ZC3H13: variants seen among roughly 807,000 people sequenced by gnomAD.
The protein encoded by ZC3H13 is zinc finger CCCH domain-containing protein 13.
Under a neutral mutation model 204.1 loss-of-function variants are expected in ZC3H13, and 64 were observed. The observed-to-expected ratio is 0.31, with a 90% CI of 0.26 to 0.39. The LOEUF is 0.39. ZC3H13 is among the 10% of genes least tolerant of loss of function. The pLI is 1.00. For missense variants in ZC3H13, 1,833 were observed against 2,082.7 expected, an observed-to-expected ratio of 0.88 and a Z score of 2.33; for synonymous variants, 667 against 693.7, an observed-to-expected ratio of 0.96 and a Z score of 0.60.
At chr13:46,018,258 T>C (rs746377908) in intron 5 of ZC3H13, among the ~76,000 whole-genome samples, 2 of 152,170 alleles carry the variant, frequency 1.3e-5, no homozygotes, top group Non-Finnish European at 2.9e-5. Context: ...TTAGTGACTT[T>C]GAAAAGCAGT....
At chr13:46,004,235 G>T (rs1380291738) in intron 7 of ZC3H13, among the ~76,000 whole-genome samples, 1 of 152,006 alleles carries the variant, frequency 6.6e-6, no homozygotes, top group Non-Finnish European at 1.5e-5. Context: ...CATAGTGTGA[G>T]CATCTTTCTG....
At chr13:46,052,002 A>AAAAAAAC (rs892525263) in intron 1 of ZC3H13, 2 of 151,596 alleles carry the variant, frequency 1.3e-5, no homozygotes, top group African/African-American at 4.9e-5. Context: ...GAGGGAAAAA[A>AAAAAAAC]AAAAAAACAA....
intron 5 of ZC3H13, among the ~76,000 whole-genome samples, chr13:46,012,575 T>C (rs751214606): frequency 1.1e-4 from 16 of 152,222 alleles, no homozygotes; most frequent in Middle Eastern, 3.2e-3. Context: ...TATCCATTCA[T>C]GCTTGGGGAC....
At position 46,020,559 on chromosome 13, in the gene ZC3H13, T is replaced by TA; in HGVS notation, c.340-3dup. 1.3e-6 allele frequency: 2 copies of TA among 1,587,900 alleles called. No homozygotes were observed. The highest frequency in any genetic ancestry group is 1.8e-5 in the Admixed American group (1 of 57,032). On this transcript the variant is annotated splice_polypyrimidine_tract_variant and splice_region_variant and intron_variant, in intron 4 of 18. Transcript: ENST00000679008. Reference sequence around the variant, plus strand: ...ATGTCTCCCTCTTGAAGATTCTTTCTAAAAAAGTACATACATACATTCAGA... The same window carrying TA: ...ATGTCTCCCTCTTGAAGATTCTTTCTAAAAAAAGTACATACATACATTCAGA...
At chr13:46,047,608 C>T (rs1001116264) in intron 1 of ZC3H13, among the ~76,000 whole-genome samples, 1 of 63,150 alleles carries the variant, frequency 1.6e-5, no homozygotes, top group African/African-American at 8.8e-5. Context: ...CACGAAAAAA[C>T]TGAAAGCTAA....
chr13:46,020,420 G>T, intron 5 of ZC3H13, 29 bp downstream of exon 5: 3 of 1,539,424 alleles, frequency 1.9e-6, no homozygotes, highest in Non-Finnish European at 2.7e-6. Context: ...TCAAGAATTC[G>T]CCATTTAAAC....
chr13:46,043,018 T>C (rs1321508996), intron 3 of ZC3H13, among the ~76,000 whole-genome samples: 1 of 151,966 alleles, frequency 6.6e-6, no homozygotes, highest in African/African-American at 2.4e-5. Context: ...AATTTGACAG[T>C]ATATGGCTAT....
intron 12 of ZC3H13, among the ~76,000 whole-genome samples, chr13:45,974,993 G>A (rs759698035): frequency 6.6e-6 from 1 of 151,742 alleles, no homozygotes; most frequent in Non-Finnish European, 1.5e-5. Flanking sequence ...ATACAGGCAC[G>A]TGCCACCACG....
intron 8 of ZC3H13, 90 bp downstream of exon 8, chr13:46,003,049 C>T: frequency 7.5e-7 from 1 of 1,328,450 alleles, no homozygotes; most frequent in South Asian, 1.4e-5. Context: ...ACTAAAAAAC[C>T]CAATATGCTA....
At chr13:46,044,301 C>T (rs1481078059) in intron 3 of ZC3H13, among the ~76,000 whole-genome samples, 1 of 151,760 alleles carries the variant, frequency 6.6e-6, no homozygotes, top group Non-Finnish European at 1.5e-5. Flanking sequence ...CAAGTTAAAA[C>T]TGTTTTTGTG....
chr13:46,044,300 A>T (rs546641249), intron 3 of ZC3H13, among the ~76,000 whole-genome samples: 15 of 152,176 alleles, frequency 9.9e-5, no homozygotes, highest in African/African-American at 3.4e-4. Context: ...TCAAGTTAAA[A>T]CTGTTTTTGT....
intron 4 of ZC3H13, among the ~76,000 whole-genome samples, chr13:46,027,317 G>A (rs2042601483): frequency 6.6e-6 from 1 of 152,112 alleles, no homozygotes; most frequent in African/African-American, 2.4e-5. Flanking sequence ...TGTTGCCCAG[G>A]CTGATCTTGA....
At chr13:45,978,409 T>C (rs544073278) in intron 11 of ZC3H13, among the ~76,000 whole-genome samples, 12 of 152,164 alleles carry the variant, frequency 7.9e-5, no homozygotes, top group Admixed American at 3.9e-4. Context: ...TACAGTAAAA[T>C]TAAAATAGAG....
intron 1 of ZC3H13, among the ~76,000 whole-genome samples, chr13:46,048,448 G>A (rs1355527041): frequency 1.3e-5 from 2 of 151,984 alleles, no homozygotes; most frequent in Non-Finnish European, 2.9e-5. Context: ...GGGCGTGGTG[G>A]CAGGCGCCTG....
rs372138138 is a variant in ZC3H13 at position 45,979,801 on chromosome 13, T to A, written c.1912+12A>T. On this transcript the variant is annotated intron_variant, in intron 11 of 18. Transcript: ENST00000679008. ...TATTGTTCACTATTTAATAAAATTC[T>A]GTTTGACAAACCTCTCTCTCTGTTG... The A allele has an allele frequency of 8.1e-5, 126 of 1,549,524 alleles. No individual in the cohort carries two copies. The highest frequency in any genetic ancestry group is 1.2e-4 in the East Asian group (5 of 42,714).
intron 4 of ZC3H13, among the ~76,000 whole-genome samples, chr13:46,029,553 C>T (rs1004438083): frequency 3.3e-5 from 5 of 151,098 alleles, no homozygotes; most frequent in East Asian, 1.9e-4. Flanking sequence ...CTCAGCCTCC[C>T]GAGTAGCTGG....
chr13:46,020,961 T>C (rs2042185562), intron 4 of ZC3H13, among the ~76,000 whole-genome samples: 1 of 152,012 alleles, frequency 6.6e-6, no homozygotes, highest in Non-Finnish European at 1.5e-5. Flanking sequence ...AAAAGACAGT[T>C]TAAAATGAAT....
chr13:46,035,958 A>G (rs1350472656), intron 4 of ZC3H13, among the ~76,000 whole-genome samples: 1 of 151,802 alleles, frequency 6.6e-6, no homozygotes, highest in Non-Finnish European at 1.5e-5. Context: ...TTTTTTTCTC[A>G]TCTAGACAGA....
chr13:45,963,031 G>A, intron 17 of ZC3H13: 1 of 985,302 alleles, frequency 1.0e-6, no homozygotes, highest in East Asian at 1.1e-4. Flanking sequence ...TTTCAAAGTA[G>A]CAGTTAATAT....
Sources: gnomAD v4.1 joint callset for allele counts (sites outside exome capture counted in the v4.1 genomes callset) on GRCh38, gnomAD v4.1.1 for gene constraint, MANE v1.5 for transcripts, NCBI Gene and HGNC (gene_info 2026-07-23, HGNC 2026-07-21) for gene names.